Variants in UBR1 observed in about 807,000 individuals in gnomAD.
UBR1 encodes E3 ubiquitin-protein ligase UBR1.
A neutral mutation model predicts 242.1 loss-of-function variants in UBR1; 102 were observed. The ratio of observed to expected loss-of-function variants is 0.42; its 90% CI spans 0.36 to 0.50. UBR1 has a LOEUF of 0.50. UBR1 is among the 20% of genes least tolerant of loss of function. The probability of loss-of-function intolerance (pLI) is 0.01; values close to 1 mark genes in which losing one functional copy is unlikely to be tolerated. For synonymous variants in UBR1, 675 were observed against 684.8 expected (o/e 0.99, Z 0.22); for missense variants, 1,772 against 2,101.8 (o/e 0.84, Z 3.07).
At chr15:42,956,172 T>C (rs938130090) in intron 44 of UBR1, among the ~76,000 whole-genome samples, 1 of 152,164 alleles carries the variant, frequency 6.6e-6, no homozygotes, top group African/African-American at 2.4e-5. Context: ...TGGGCTTCCA[T>C]GTAAGATTTT....
intron 29 of UBR1, among the ~76,000 whole-genome samples, chr15:43,014,720 C>T (rs551439250): frequency 2.2e-4 from 34 of 152,060 alleles, no homozygotes; most frequent in South Asian, 1.5e-3. Flanking sequence ...CCCCTCCGCC[C>T]GGCAGCCACC....
intron 17 of UBR1, among the ~76,000 whole-genome samples, chr15:43,037,102 C>T (rs2033346967): frequency 1.3e-5 from 2 of 151,840 alleles, no homozygotes; most frequent in South Asian, 4.1e-4. Context: ...AATCCCAGCA[C>T]TTTGGGAGGT....
intron 1 of UBR1, among the ~76,000 whole-genome samples, chr15:43,099,871 G>A (rs1357557106): frequency 6.6e-6 from 1 of 151,256 alleles, no homozygotes; most frequent in Admixed American, 6.6e-5. Context: ...GAACACACAA[G>A]AGGTGCCTCT....
chr15:42,988,164 G>T (rs538221713), intron 35 of UBR1, among the ~76,000 whole-genome samples: 77 of 151,956 alleles, frequency 5.1e-4, no homozygotes, highest in Non-Finnish European at 1.1e-3. Flanking sequence ...AACTATAAAA[G>T]AAAGAAAAAT....
At chr15:42,995,430 C>A (rs540803196) in intron 33 of UBR1, among the ~76,000 whole-genome samples, 1 of 150,214 alleles carries the variant, frequency 6.7e-6, no homozygotes, top group African/African-American at 2.5e-5. Flanking sequence ...GAGGCCGAGG[C>A]GGGTGGATCA....
intron 4 of UBR1, among the ~76,000 whole-genome samples, chr15:43,073,058 A>G (rs955129870): frequency 1.3e-5 from 2 of 152,056 alleles, no homozygotes; most frequent in Admixed American, 1.3e-4. Flanking sequence ...CTACTCGGGA[A>G]GCTGAGACAT....
At chr15:43,023,045 G>A (rs1332596724) in intron 25 of UBR1, among the ~76,000 whole-genome samples, 1 of 151,798 alleles carries the variant, frequency 6.6e-6, no homozygotes, top group Non-Finnish European at 1.5e-5. Flanking sequence ...TTTTTGGAGG[G>A]GGCGGGGGGT....
At chr15:43,029,877 A>G in intron 21 of UBR1, 67 bp downstream of exon 21, 1 of 1,596,344 alleles carries the variant, frequency 6.3e-7, no homozygotes, top group Non-Finnish European at 8.6e-7. Context: ...AGTAGTTTCC[A>G]ATTAAAGAAA....
At chr15:42,985,768 T>C (rs2032449363) in intron 35 of UBR1, among the ~76,000 whole-genome samples, 1 of 151,990 alleles carries the variant, frequency 6.6e-6, no homozygotes, top group Non-Finnish European at 1.5e-5. Context: ...GCAGGAGGAC[T>C]GCTTGAGCTC....
intron 35 of UBR1, among the ~76,000 whole-genome samples, chr15:42,988,049 T>C (rs1567116808): frequency 6.6e-6 from 1 of 152,202 alleles, no homozygotes; most frequent in Non-Finnish European, 1.5e-5. Flanking sequence ...GGCTTCCCTT[T>C]AGAGCTGGTT....
rs112947825 is a variant in UBR1 at position 43,026,609 on chromosome 15, T to C, written c.2487A>G (p.Lys829=). The change falls in exon 23 of 47, where the codon AAA becomes AAG. Residue 829 remains lysine, a synonymous_variant. Transcript: ENST00000290650. The stretch of plus-strand genomic sequence containing the variant: ...AATGATAAAAGTACATATTGAAGTC[T>C]TTCAGTGATTCATCTTTTAGTTCAT... ...GVYELKDESL[K]DFNMYFYHYS... 4.3e-5 allele frequency: 69 copies of C among 1,613,428 alleles called. No individual in the cohort carries two copies. The African/African-American group carries it at 5.9e-4, about 14-fold the overall frequency.
chr15:43,053,659 C>A (rs1271085099), intron 12 of UBR1, among the ~76,000 whole-genome samples: 1 of 152,070 alleles, frequency 6.6e-6, no homozygotes, highest in East Asian at 1.9e-4. Flanking sequence ...GTGGCATGAT[C>A]ACAGTTTACT....
intron 3 of UBR1, among the ~76,000 whole-genome samples, chr15:43,081,421 A>G (rs1035421602): frequency 6.7e-6 from 1 of 149,790 alleles, no homozygotes; most frequent in East Asian, 1.9e-4. Context: ...CCATCTCAAA[A>G]AAAAAAAAAA....
chr15:42,972,336 C>T (rs2032220327), intron 39 of UBR1, among the ~76,000 whole-genome samples: 1 of 152,058 alleles, frequency 6.6e-6, no homozygotes. Flanking sequence ...TTTTGTCCAT[C>T]TTTTCATCAC....
intron 32 of UBR1, 87 bp from the exon 33 acceptor site, chr15:42,998,352 G>T: frequency 1.6e-6 from 2 of 1,231,894 alleles, no homozygotes; most frequent in Non-Finnish European, 2.3e-6. Context: ...TTGGATAAAT[G>T]GTCATATAAA....
chr15:43,008,192 T>C (rs962107637), intron 29 of UBR1, among the ~76,000 whole-genome samples: 6 of 152,248 alleles, frequency 3.9e-5, no homozygotes, highest in African/African-American at 1.4e-4. Context: ...ACGTGCTCCA[T>C]GTAGCCCTTG....
intron 20 of UBR1, among the ~76,000 whole-genome samples, chr15:43,030,990 CTAGAAGAAACCT>C (rs2033250172): frequency 6.6e-6 from 1 of 152,144 alleles, no homozygotes; most frequent in Non-Finnish European, 1.5e-5. Flanking sequence ...AATTTCAGTG[CTAGAAGAAACCT>C]TAGAGATCAC....
chr15:43,077,186 A>G (rs1488672530), intron 3 of UBR1, among the ~76,000 whole-genome samples: 1 of 146,138 alleles, frequency 6.8e-6, no homozygotes, highest in East Asian at 2.3e-4. Flanking sequence ...CCATGATGAC[A>G]ATGGCGGTTT....
intron 1 of UBR1, among the ~76,000 whole-genome samples, chr15:43,088,740 G>T (rs2034068891): frequency 6.6e-6 from 1 of 151,946 alleles, no homozygotes; most frequent in South Asian, 2.1e-4. Flanking sequence ...CTACACAGAG[G>T]GAAGGAGCTG....
Sources: allele counts gnomAD v4.1 joint callset (sites outside exome capture counted in the v4.1 genomes callset), GRCh38; gene constraint gnomAD v4.1.1; transcripts MANE v1.5; gene names NCBI Gene and HGNC (gene_info 2026-07-23, HGNC 2026-07-21).